Variants in MYO9A observed in about 807,000 individuals in gnomAD.
MYO9A encodes myosin IXA.
A neutral mutation model predicts 293.3 loss-of-function variants in MYO9A; 103 were observed. The observed-to-expected ratio is 0.35, with a 90% CI of 0.30 to 0.41. The LOEUF is 0.41. Among genes scored for constraint, MYO9A ranks in the 10% least tolerant of loss-of-function variants. The probability of loss-of-function intolerance (pLI) is 1.00; values close to 1 mark genes in which losing one functional copy is unlikely to be tolerated. For missense variants in MYO9A, 2,685 were observed against 3,033.0 expected (o/e 0.89, Z 2.69); for synonymous variants, 1,001 against 1,035.7 (o/e 0.97, Z 0.64).
chr15:71,968,158 C>A, intron 12 of MYO9A, 33 bp from the exon 13 acceptor site: 1 of 1,514,594 alleles, frequency 6.6e-7, no homozygotes, highest in Non-Finnish European at 8.9e-7. Flanking sequence ...AATATCATTA[C>A]AGAAAGATGA....
chr15:71,943,205 A>T (rs2146227692), intron 15 of MYO9A, among the ~76,000 whole-genome samples: 1 of 151,906 alleles, frequency 6.6e-6, no homozygotes, highest in African/African-American at 2.4e-5. Context: ...TCACTTTATA[A>T]GGTCTCTTAT....
At chr15:71,896,206 C>A (rs1000714220) in intron 25 of MYO9A, among the ~76,000 whole-genome samples, 3 of 152,094 alleles carry the variant, frequency 2.0e-5, no homozygotes, top group Non-Finnish European at 4.4e-5. Flanking sequence ...CAAAGGATTT[C>A]TCTAAAATCC....
In MYO9A at chr15:72,096,150, G is replaced by A. The variant is rs541686498; in HGVS notation, c.-72+21530C>T. ...TACTCTCCAGCCTGAGTGACAGAGCGAGACTGTCTCAAAAAAAAAAAAAAA... is the reference window on the plus strand; with the variant it reads ...TACTCTCCAGCCTGAGTGACAGAGCAAGACTGTCTCAAAAAAAAAAAAAAA... On this transcript the variant is annotated intron_variant, in intron 1 of 41. Coordinates refer to ENST00000356056, the MANE Select transcript of MYO9A (RefSeq NM_006901.4). 2.7e-3 allele frequency among the ~76,000 whole-genome samples: 383 copies of A among 140,062 alleles called. 1 individual carries two copies. Among genetic ancestry groups the A allele is most frequent in the African/African-American group, 9.9e-3 (366 of 37,036 alleles). 91.9% of individuals were successfully genotyped at this position (140,062 alleles called of 152,430 possible).
intron 1 of MYO9A, among the ~76,000 whole-genome samples, chr15:72,106,672 G>T (rs541685160): frequency 2.4e-4 from 37 of 152,054 alleles, no homozygotes; most frequent in African/African-American, 8.9e-4. Flanking sequence ...GCAATCACAG[G>T]TCACTGCAGC....
At chr15:72,027,348 T>TA (rs756717650) in intron 4 of MYO9A, among the ~76,000 whole-genome samples, 10 of 152,210 alleles carry the variant, frequency 6.6e-5, no homozygotes, top group Admixed American at 3.9e-4. Context: ...ATACCACATA[T>TA]ATCATCTCTA....
chr15:71,964,851 A>C (rs981412566), intron 13 of MYO9A, among the ~76,000 whole-genome samples: 1 of 151,928 alleles, frequency 6.6e-6, no homozygotes, highest in Admixed American at 6.6e-5. Flanking sequence ...GCTACTTGGG[A>C]GGCTGAGGAA....
chr15:72,007,069 G>A (rs1057507999), intron 8 of MYO9A, among the ~76,000 whole-genome samples: 7 of 152,138 alleles, frequency 4.6e-5, no homozygotes, highest in Non-Finnish European at 5.9e-5. Context: ...TACAGTTGGA[G>A]ACATTATCAT....
chr15:72,100,841 C>G (rs1203184788), intron 1 of MYO9A, among the ~76,000 whole-genome samples: 1 of 150,914 alleles, frequency 6.6e-6, no homozygotes, highest in African/African-American at 2.4e-5. Context: ...CGTCTCCGCC[C>G]GGCCAGCCGC....
chr15:72,081,406 G>A lies in MYO9A; in HGVS notation c.-71-34772C>T, dbSNP rs148052695. ...TCATGTCCTTTACCCACTTTTTAGC[G>A]GGTTTTCTTCTTGTAAATTTAAATT... On this transcript the variant is annotated intron_variant, in intron 1 of 41. Coordinates refer to ENST00000356056, the MANE Select transcript of MYO9A (RefSeq NM_006901.4). Among the ~76,000 whole-genome samples the A allele has an allele frequency of 3.0e-4, 45 of 152,046 alleles. No individual in the cohort carries two copies. In the East Asian group the frequency reaches 6.7e-3, roughly 23 times the overall value.
chr15:72,079,508 T>C (rs561367224), intron 1 of MYO9A, among the ~76,000 whole-genome samples: 52 of 152,310 alleles, frequency 3.4e-4, no homozygotes, highest in African/African-American at 1.2e-3. Flanking sequence ...ATAATATGCA[T>C]GTGTTTTAAA....
intron 1 of MYO9A, among the ~76,000 whole-genome samples, 153 bp downstream of exon 1, chr15:72,117,527 C>G (rs1172914973): frequency 6.6e-6 from 1 of 152,186 alleles, no homozygotes; most frequent in Non-Finnish European, 1.5e-5. Context: ...GGATCCGGGG[C>G]CGTGATCTGG....
intron 19 of MYO9A, among the ~76,000 whole-genome samples, chr15:71,909,205 G>A (rs774909618): frequency 1.3e-5 from 2 of 152,170 alleles, no homozygotes; most frequent in Non-Finnish European, 2.9e-5. Flanking sequence ...GAATAAAGCT[G>A]CTATAAATAT....
chr15:72,067,367 T>C (rs1235708757), intron 1 of MYO9A, among the ~76,000 whole-genome samples: 3 of 152,086 alleles, frequency 2.0e-5, no homozygotes, highest in Non-Finnish European at 4.4e-5. Context: ...TGGAGTCCAG[T>C]GGCGCAGTAT....
At chr15:72,102,273 G>A (rs2080380070) in intron 1 of MYO9A, among the ~76,000 whole-genome samples, 1 of 150,572 alleles carries the variant, frequency 6.6e-6, no homozygotes, top group Admixed American at 6.6e-5. Context: ...TTGTTAAACA[G>A]ATGCTTGAAG....
chr15:72,087,688 A>C (rs549803794), intron 1 of MYO9A, among the ~76,000 whole-genome samples: 15 of 152,204 alleles, frequency 9.9e-5, no homozygotes, highest in African/African-American at 3.6e-4. Flanking sequence ...GGAGTGTGCC[A>C]GTTGTCCCAG....
intron 33 of MYO9A, among the ~76,000 whole-genome samples, chr15:71,861,517 A>G (rs2056121939): frequency 6.8e-6 from 1 of 147,836 alleles, no homozygotes; most frequent in Non-Finnish European, 1.5e-5. Context: ...TTCTACTGTA[A>G]TCTGCTAAAA....
intron 15 of MYO9A, among the ~76,000 whole-genome samples, chr15:71,942,832 ATTT>A (rs1216012541): frequency 6.6e-6 from 1 of 151,932 alleles, no homozygotes; most frequent in Non-Finnish European, 1.5e-5. Context: ...ATTGTTGCTT[ATTT>A]AGCTTTATAT....
At chr15:71,875,305 T>C (rs1391292459) in intron 32 of MYO9A, among the ~76,000 whole-genome samples, 1 of 152,150 alleles carries the variant, frequency 6.6e-6, no homozygotes, top group Admixed American at 6.5e-5. Context: ...CTTTTGCTTT[T>C]ACAAAGTCCT....
intron 11 of MYO9A, among the ~76,000 whole-genome samples, chr15:71,987,885 A>G (rs935909818): frequency 7.2e-5 from 11 of 152,220 alleles, no homozygotes; most frequent in Admixed American, 2.0e-4. Flanking sequence ...ATTCTGATCC[A>G]TAATTGCACC....
Sources: gnomAD v4.1 joint callset for allele counts (sites outside exome capture counted in the v4.1 genomes callset) on GRCh38, gnomAD v4.1.1 for gene constraint, MANE v1.5 for transcripts, NCBI Gene and HGNC (gene_info 2026-07-23, HGNC 2026-07-21) for gene names.